TUB: variants seen among roughly 807,000 people sequenced by gnomAD.
The protein encoded by TUB is TUB bipartite transcription factor.
TUB carries 33 observed loss-of-function variants against 59.7 expected under a neutral mutation model. The observed-to-expected ratio is 0.55, with a 90% CI of 0.42 to 0.74. The LOEUF (loss-of-function observed/expected upper bound fraction) is 0.74. Among genes scored for constraint, TUB ranks in the 30% least tolerant of loss-of-function variants. The probability of loss-of-function intolerance (pLI) is 0.00; values close to 1 mark genes in which losing one functional copy is unlikely to be tolerated. For synonymous variants in TUB, 293 were observed against 256.4 expected, an observed-to-expected ratio of 1.14 and a Z score of -1.36; for missense variants, 659 against 672.0, an observed-to-expected ratio of 0.98 and a Z score of 0.21.
At chr11:8,033,702 G>A (rs776858928), upstream of TUB, among the ~76,000 whole-genome samples, 7 of 152,252 alleles carry the variant, frequency 4.6e-5, no homozygotes, top group Non-Finnish European at 1.0e-4. Context: ...GGTGTTTGGT[G>A]GGGTGTAATG....
intron 1 of TUB, chr11:8,039,170 C>G: frequency 1.8e-6 from 2 of 1,108,800 alleles, no homozygotes; most frequent in Non-Finnish European, 1.3e-6. Context: ...CCACGTGGAG[C>G]CCCACAGGTA....
chr11:8,019,269 G>A, exon 1 of TUB: 1 of 1,249,098 alleles, frequency 8.0e-7, no homozygotes, highest in South Asian at 3.6e-5. Flanking sequence ...CGCCGCCGCC[G>A]CCCGCGGAGC....
chr11:8,087,985 C>G (rs1189740531), intron 1 of TUB, among the ~76,000 whole-genome samples: 1 of 152,222 alleles, frequency 6.6e-6, no homozygotes, highest in African/African-American at 2.4e-5. Context: ...CCAAATGCAG[C>G]TGTGCCCTCT....
At position 8,094,170 on chromosome 11, in the gene TUB, G is replaced by C. The variant is rs753534902; in HGVS notation, c.378G>C (p.Glu126Asp). 6.2e-7 allele frequency: 1 copy of C among 1,613,292 alleles called. No individual in the cohort carries two copies. Among genetic ancestry groups the C allele is most frequent in the Non-Finnish European group, 8.5e-7 (1 of 1,179,696 alleles). Residue 126 changes from glutamate (E) to aspartate (D), a missense_variant, in exon 4 of 12, where the codon GAG becomes GAC. By Grantham distance (45) the Glu-to-Asp change is conservative (BLOSUM62 2). This residue lies in a region of TUB where 321 missense variants were observed against 304.3 expected (regional missense o/e 1.05). Coordinates refer to ENST00000299506, the MANE Select transcript of TUB (RefSeq NM_177972.3). The stretch of plus-strand genomic sequence containing the variant: ...GCCAGGGTGGCGCCGCTAGGAAGGA[G>C]AAGAAGGGAAAGCACAAAGGTCAGC... ...AGGQGGAARK[E>D]KKGKHKGTSG...
chr11:8,100,732 A>G (rs967880253), intron 10 of TUB, 94 bp from the exon 11 acceptor site: 1 of 1,569,168 alleles, frequency 6.4e-7, no homozygotes, highest in Non-Finnish European at 8.7e-7. Flanking sequence ...GGTCTAGGGA[A>G]ATCCAAGGAC....
chr11:8,093,916 T>C, intron 3 of TUB, 130 bp from the exon 4 acceptor site: 1 of 1,021,552 alleles, frequency 9.8e-7, no homozygotes, highest in Non-Finnish European at 1.5e-6. Context: ...GCTGTAGAAG[T>C]GGTACAGGGG....
At chr11:8,037,446 T>C (rs1942663965), upstream of TUB, among the ~76,000 whole-genome samples, 1 of 152,248 alleles carries the variant, frequency 6.6e-6, no homozygotes, top group South Asian at 2.1e-4. Context: ...ACTTACAGTC[T>C]GTCTGCTTAG....
intron 1 of TUB, among the ~76,000 whole-genome samples, chr11:8,082,249 C>T (rs1943583618): frequency 6.6e-6 from 1 of 152,210 alleles, no homozygotes; most frequent in Non-Finnish European, 1.5e-5. Flanking sequence ...TAGAACTGCC[C>T]TCACATGCAG....
chr11:8,051,443 A>G (rs1234863713), intron 2 of TUB, among the ~76,000 whole-genome samples: 1 of 152,174 alleles, frequency 6.6e-6, no homozygotes. Context: ...TCAATGATGA[A>G]TATATTTGTA....
upstream of TUB, among the ~76,000 whole-genome samples, chr11:8,079,844 C>G (rs1943512301): frequency 6.6e-6 from 1 of 152,114 alleles, no homozygotes; most frequent in Admixed American, 6.5e-5. Flanking sequence ...GGGCAAGATC[C>G]TTGCCTTCTC....
At chr11:8,056,170 G>C (rs1377508740) in intron 2 of TUB, among the ~76,000 whole-genome samples, 1 of 152,216 alleles carries the variant, frequency 6.6e-6, no homozygotes, top group African/African-American at 2.4e-5. Flanking sequence ...CCTCAAGCCA[G>C]GGCCTGACCT....
intron 2 of TUB, among the ~76,000 whole-genome samples, chr11:8,066,476 G>A (rs1943244083): frequency 6.6e-6 from 1 of 152,200 alleles, no homozygotes. Flanking sequence ...GCCAGTTACT[G>A]TGCACAGGGG....
In TUB at chr11:8,105,372, T is replaced by G. The variant is rs1944511364; in HGVS notation, c.*3753T>G. 6.6e-6 allele frequency: 1 copy of G among 152,192 alleles called. No individual in the cohort carries two copies. The highest frequency in any genetic ancestry group is 1.5e-5 in the Non-Finnish European group (1 of 68,042). The allele number at this position is 152,192 out of a possible 1,614,324, so 9.4% of individuals were successfully genotyped here. Reference sequence around the variant, plus strand: ...TACCCTGGGCTCTGGTCTGTAGGTTTGTAGTAGCCACCGGTAATAAGCCAA... The same window carrying G: ...TACCCTGGGCTCTGGTCTGTAGGTTGGTAGTAGCCACCGGTAATAAGCCAA... On this transcript the variant is annotated 3_prime_UTR_variant, in exon 12 of 12. Coordinates refer to ENST00000299506, the MANE Select transcript of TUB (RefSeq NM_177972.3).
intron 10 of TUB, 55 bp from the exon 11 acceptor site, chr11:8,100,771 G>C: frequency 1.2e-6 from 2 of 1,603,050 alleles, no homozygotes; most frequent in South Asian, 2.2e-5. Context: ...TCCCTTTCTG[G>C]GGTGGTCATG....
intron 1 of TUB, among the ~76,000 whole-genome samples, chr11:8,024,829 T>G (rs1177177097): frequency 6.6e-6 from 1 of 152,212 alleles, no homozygotes; most frequent in African/African-American, 2.4e-5. Context: ...CAATTATGTT[T>G]GTGTGTGTGA....
chr11:8,089,495 C>A, intron 1 of TUB, 115 bp from the exon 2 acceptor site: 1 of 1,288,836 alleles, frequency 7.8e-7, no homozygotes, highest in Non-Finnish European at 1.1e-6. Flanking sequence ...TCACTGAGTC[C>A]CAGCAGCCGT....
At chr11:8,097,861 G>A (rs761120377) in intron 8 of TUB, 35 bp downstream of exon 8, 9 of 1,563,092 alleles carry the variant, frequency 5.8e-6, no homozygotes, top group Non-Finnish European at 7.9e-6. Context: ...GGCGGGAGTG[G>A]GAGGGAGGGG....
chr11:8,077,076 C>G (rs1458948759), upstream of TUB: 1 of 152,192 alleles, frequency 6.6e-6, no homozygotes, highest in Non-Finnish European at 1.5e-5. Flanking sequence ...GCACTTGACT[C>G]TGTTTTAGGG....
chr11:8,031,316 C>T (rs1037427645), intron 1 of TUB, among the ~76,000 whole-genome samples: 4 of 152,182 alleles, frequency 2.6e-5, no homozygotes, highest in East Asian at 1.9e-4. Flanking sequence ...CTTTCCTGGG[C>T]CCAAGATTAC....
Sources: gnomAD v4.1 joint callset for allele counts (sites outside exome capture counted in the v4.1 genomes callset) on GRCh38, gnomAD v4.1.1 for gene constraint, gnomAD v4.1.1 regional missense constraint, MANE v1.5 for transcripts, NCBI Gene and HGNC (gene_info 2026-07-23, HGNC 2026-07-21) for gene names.